The following ABCA1 variants were observed in gnomAD, a reference collection of about 807,000 sequenced individuals.
ABCA1 encodes ATP binding cassette subfamily A member 1, also known as phospholipid-transporting ATPase ABCA1.
ABCA1 carries 133 observed loss-of-function variants against 262.5 expected under a neutral mutation model. The observed-to-expected ratio is 0.51, with a 90% CI of 0.44 to 0.59. The LOEUF (loss-of-function observed/expected upper bound fraction) is 0.59, where lower values mean the gene tolerates loss of function less well. Among genes scored for constraint, ABCA1 ranks in the 20% least tolerant of loss-of-function variants. The pLI is 0.00. For synonymous variants in ABCA1, 1,022 were observed against 1,043.5 expected (o/e 0.98, Z 0.40); for missense variants, 2,452 against 2,777.5 (o/e 0.88, Z 2.63).
chr9:104,818,642 A>C (rs1255858087), intron 23 of ABCA1, 21 bp downstream of exon 23: 1 of 1,610,844 alleles, frequency 6.2e-7, no homozygotes, highest in Non-Finnish European at 8.5e-7. Flanking sequence ...ACACCAGCCC[A>C]GCACCAAGAC....
intron 1 of ABCA1, among the ~76,000 whole-genome samples, chr9:104,912,385 C>A (rs1028550223): frequency 6.6e-6 from 1 of 152,164 alleles, no homozygotes; most frequent in African/African-American, 2.4e-5. Flanking sequence ...GGCTACAGTG[C>A]AAGACCCTGT....
At chr9:104,839,077 G>T (rs1044903540) in intron 9 of ABCA1, among the ~76,000 whole-genome samples, 1 of 152,146 alleles carries the variant, frequency 6.6e-6, no homozygotes, top group East Asian at 1.9e-4. Context: ...TGGAAATGGA[G>T]AAAGGTTCCC....
chr9:104,916,331 G>C (rs1841839806), intron 1 of ABCA1, among the ~76,000 whole-genome samples: 1 of 152,150 alleles, frequency 6.6e-6, no homozygotes, highest in African/African-American at 2.4e-5. Context: ...ATTTTGTTCT[G>C]ATTCAAACTT....
At chr9:104,852,753 G>A (rs1477026584) in intron 7 of ABCA1, among the ~76,000 whole-genome samples, 1 of 152,192 alleles carries the variant, frequency 6.6e-6, no homozygotes, top group Non-Finnish European at 1.5e-5. Flanking sequence ...GAGAAAGCAA[G>A]TAAACAGGTG....
At chr9:104,911,488 G>A (rs546882024) in intron 1 of ABCA1, among the ~76,000 whole-genome samples, 2 of 152,328 alleles carry the variant, frequency 1.3e-5, no homozygotes, top group South Asian at 4.1e-4. Flanking sequence ...ACAGATCGTG[G>A]CTGCTGTGGG....
intron 3 of ABCA1, among the ~76,000 whole-genome samples, chr9:104,886,288 CAA>C (rs1321992523): frequency 6.6e-6 from 1 of 152,122 alleles, no homozygotes; most frequent in African/African-American, 2.4e-5. Flanking sequence ...GAAGTTAATC[CAA>C]AGTCAGGACT....
intron 1 of ABCA1, among the ~76,000 whole-genome samples, chr9:104,923,976 A>T (rs546831760): frequency 6.6e-6 from 1 of 152,332 alleles, no homozygotes; most frequent in South Asian, 2.1e-4. Context: ...CAGGAGGCTG[A>T]GGTTGCAGTG....
intron 13 of ABCA1, 126 bp downstream of exon 13, chr9:104,831,496 T>G: frequency 3.8e-6 from 3 of 791,388 alleles, no homozygotes; most frequent in South Asian, 1.9e-5. Context: ...GACACCAAGT[T>G]GAGTTTTTTT....
chr9:104,851,966 T>A (rs982497930), intron 7 of ABCA1, among the ~76,000 whole-genome samples: 2 of 152,190 alleles, frequency 1.3e-5, no homozygotes, highest in Non-Finnish European at 2.9e-5. Flanking sequence ...CTTATAAAAA[T>A]CTCATCTACA....
chr9:104,899,988 A>G (rs1840531562), intron 2 of ABCA1, among the ~76,000 whole-genome samples: 1 of 152,062 alleles, frequency 6.6e-6, no homozygotes, highest in African/African-American at 2.4e-5. Context: ...AACTTTCACA[A>G]CTCAATTCAA....
chr9:104,907,464 C>T (rs1402904729), intron 1 of ABCA1, among the ~76,000 whole-genome samples: 1 of 152,134 alleles, frequency 6.6e-6, no homozygotes, highest in East Asian at 1.9e-4. Flanking sequence ...AGGGTCCTGG[C>T]TTGTCGTAAG....
At chr9:104,856,182 C>G in intron 7 of ABCA1, 2 of 1,435,712 alleles carry the variant, frequency 1.4e-6, no homozygotes, top group Non-Finnish European at 1.8e-6. Flanking sequence ...CCAATTAAGG[C>G]CCTGCTTAAT....
chr9:104,860,809 T>A (rs1465338764), intron 6 of ABCA1, among the ~76,000 whole-genome samples: 1 of 140,818 alleles, frequency 7.1e-6, no homozygotes, highest in Non-Finnish European at 1.5e-5. Flanking sequence ...CAGGCTGGAG[T>A]GCAATGGCGT....
rs1195606986 is a variant in ABCA1 at position 104,889,119 on chromosome 9, G to A, written c.143C>T (p.Pro48Leu). 1.2e-6 allele frequency: 2 copies of A among 1,614,048 alleles called. No homozygotes were observed. The highest frequency in any genetic ancestry group is 1.7e-5 in the Admixed American group (1 of 60,014). The change falls in exon 3 of 50, where the codon CCC becomes CTC. Residue 48 changes from proline to leucine, a missense_variant. Around this residue, in one of 4 missense-constraint regions of ABCA1, gnomAD observed 1,032 missense variants for 1,089.7 expected, o/e 0.95. Coordinates refer to ENST00000374736, the MANE Select transcript of ABCA1 (RefSeq NM_005502.4). ...TTACTTACATTCATGTTGTTCATAG[G>A]GTGGGTAGCTCAGCCGAACAGAGAT... The part of the protein sequence containing the change: ...ILISVRLSYP[P>L]YEQHECHFPN...
chr9:104,837,640 G>T, intron 9 of ABCA1, 73 bp from the exon 10 acceptor site: 2 of 1,574,592 alleles, frequency 1.3e-6, no homozygotes, highest in Non-Finnish European at 1.7e-6. Flanking sequence ...GGGCTTTGGA[G>T]CCAGAGAGTT....
At chr9:104,883,237 G>T in intron 4 of ABCA1, 80 bp from the exon 5 acceptor site, 1 of 1,260,488 alleles carries the variant, frequency 7.9e-7, no homozygotes. Flanking sequence ...ACTGCCAAGT[G>T]CATAGAACTC....
chr9:104,909,231 C>A (rs941877442), intron 1 of ABCA1, among the ~76,000 whole-genome samples: 2 of 152,172 alleles, frequency 1.3e-5, no homozygotes, highest in African/African-American at 4.8e-5. Flanking sequence ...GAGTGCCTAT[C>A]ACATGCCAGG....
At position 104,802,068 on chromosome 9, in the gene ABCA1, G is replaced by C; in HGVS notation, c.4684C>G (p.Leu1562Val). ...AGATATTTTACCTTGGCCAGCTTTAGGTGTTTCTTCATTTGTTTGATGGCA... is the reference window on the plus strand; with the variant it reads ...AGATATTTTACCTTGGCCAGCTTTACGTGTTTCTTCATTTGTTTGATGGCA... ...NDAIKQMKKH[L>V]KLAKDSSADR... The change falls in exon 34 of 50, where the codon CTA becomes GTA. Residue 1562 changes from leucine (L) to valine (V), a missense_variant. Leu to Val is a conservative substitution (Grantham distance 32). Coordinates refer to ENST00000374736, the MANE Select transcript of ABCA1 (RefSeq NM_005502.4). 6.2e-7 allele frequency: 1 copy of C among 1,614,106 alleles called. No homozygotes were observed. The highest frequency in any genetic ancestry group is 8.5e-7 in the Non-Finnish European group (1 of 1,179,986).
At chr9:104,803,248 C>T (rs1371118561) in intron 33 of ABCA1, 36 bp downstream of exon 33, 1 of 1,611,520 alleles carries the variant, frequency 6.2e-7, no homozygotes, top group Admixed American at 1.7e-5. Context: ...ACCATCCTCC[C>T]CCTGAGCTAA....
Sources: allele counts gnomAD v4.1 joint callset (sites outside exome capture counted in the v4.1 genomes callset), GRCh38; gene constraint gnomAD v4.1.1; regional missense constraint gnomAD v4.1.1; transcripts MANE v1.5; gene names NCBI Gene and HGNC (gene_info 2026-07-23, HGNC 2026-07-21).